The following DPP10 variants were observed in gnomAD, a reference collection of about 807,000 sequenced individuals.
DPP10 encodes the protein inactive dipeptidyl peptidase 10.
DPP10 carries 33 observed loss-of-function variants against 120.9 expected under a neutral mutation model. That is an observed-to-expected ratio of 0.27 (90% CI 0.21 to 0.37). The LOEUF (loss-of-function observed/expected upper bound fraction) is 0.37, where lower values mean the gene tolerates loss of function less well. DPP10 is among the 10% of genes least tolerant of loss of function. DPP10 has a pLI of 1.00. For synonymous variants in DPP10, 337 were observed against 326.1 expected (o/e 1.03, Z -0.36); for missense variants, 816 against 942.8 (o/e 0.87, Z 1.76).
chr2:114,899,855 G>A (rs1347233480), intron 1 of DPP10, among the ~76,000 whole-genome samples: 1 of 152,218 alleles, frequency 6.6e-6, no homozygotes, highest in Non-Finnish European at 1.5e-5. Flanking sequence ...AGCTACTCGG[G>A]AGGCTGAGGC....
At chr2:114,695,547 T>G (rs1700021761) in intron 1 of DPP10, among the ~76,000 whole-genome samples, 1 of 152,072 alleles carries the variant, frequency 6.6e-6, no homozygotes, top group Non-Finnish European at 1.5e-5. Context: ...TCTAGAAATG[T>G]TCAAGTGTCT....
intron 1 of DPP10, among the ~76,000 whole-genome samples, chr2:114,985,719 T>G (rs1302588712): frequency 6.6e-6 from 1 of 152,188 alleles, no homozygotes; most frequent in Non-Finnish European, 1.5e-5. Flanking sequence ...CAAACTGTAA[T>G]AAGCACAAAT....
chr2:114,811,229 A>G (rs1270351510), intron 1 of DPP10, among the ~76,000 whole-genome samples: 2 of 152,232 alleles, frequency 1.3e-5, no homozygotes, highest in African/African-American at 4.8e-5. Flanking sequence ...GACAGGGGAC[A>G]GAAATTTTGC....
chr2:115,438,800 A>G (rs1027657476), intron 3 of DPP10, among the ~76,000 whole-genome samples: 1 of 148,540 alleles, frequency 6.7e-6, no homozygotes, highest in African/African-American at 2.5e-5. Context: ...AGTGGCTAAG[A>G]TGGTCATGGA....
intron 1 of DPP10, among the ~76,000 whole-genome samples, chr2:115,054,560 T>G (rs1402652517): frequency 1.3e-5 from 2 of 152,230 alleles, no homozygotes; most frequent in Non-Finnish European, 2.9e-5. Flanking sequence ...AACTAAAGTT[T>G]ACTTGCTTAA....
intron 1 of DPP10, among the ~76,000 whole-genome samples, chr2:114,760,563 G>A (rs1336959436): frequency 6.6e-6 from 1 of 150,694 alleles, no homozygotes; most frequent in Non-Finnish European, 1.5e-5. Context: ...TATTTTCCTA[G>A]GCCCTCTCCC....
intron 1 of DPP10, among the ~76,000 whole-genome samples, chr2:114,988,626 T>G (rs1392368360): frequency 6.6e-6 from 1 of 152,236 alleles, no homozygotes; most frequent in Non-Finnish European, 1.5e-5. Context: ...CTTTTTCTCA[T>G]CTATCGTTCG....
intron 1 of DPP10, among the ~76,000 whole-genome samples, chr2:114,483,146 A>G (rs1050302356): frequency 5.3e-5 from 8 of 152,166 alleles, no homozygotes; most frequent in Non-Finnish European, 1.5e-5. Flanking sequence ...TTTTGTTGTC[A>G]CCAGAGCCAG....
chr2:114,752,316 GA>G (rs1679309227), intron 1 of DPP10, among the ~76,000 whole-genome samples: 1 of 152,178 alleles, frequency 6.6e-6, no homozygotes, highest in African/African-American at 2.4e-5. Flanking sequence ...CTGTAAGATA[GA>G]AAAAGAAATC....
At chr2:115,125,878 A>G (rs11677827) in intron 1 of DPP10, among the ~76,000 whole-genome samples, 3 of 152,116 alleles carry the variant, frequency 2.0e-5, no homozygotes, top group African/African-American at 4.8e-5. Flanking sequence ...CACCGCGCCC[A>G]GCCCATAATA....
At chr2:115,446,814 C>T (rs1337011280) in intron 3 of DPP10, among the ~76,000 whole-genome samples, 1 of 152,152 alleles carries the variant, frequency 6.6e-6, no homozygotes, top group African/African-American at 2.4e-5. Flanking sequence ...AACACACCTT[C>T]CCCCTTCCTT....
intron 3 of DPP10, among the ~76,000 whole-genome samples, chr2:115,466,935 A>G (rs1304677296): frequency 1.3e-5 from 2 of 152,162 alleles, no homozygotes; most frequent in East Asian, 1.9e-4. Flanking sequence ...CTCTTCTACC[A>G]TTCATTTTCT....
chr2:115,576,633 G>T (rs184661265), intron 5 of DPP10, among the ~76,000 whole-genome samples: 204 of 152,298 alleles, frequency 1.3e-3, no homozygotes, highest in Non-Finnish European at 2.4e-3. Context: ...TTTGAAAACG[G>T]TTGAGATGGA....
intron 1 of DPP10, among the ~76,000 whole-genome samples, chr2:114,513,736 G>A (rs1684364421): frequency 6.6e-6 from 1 of 152,122 alleles, no homozygotes; most frequent in Non-Finnish European, 1.5e-5. Context: ...GTCTGTATTT[G>A]GGGAAGAGAA....
At chr2:115,028,843 T>G (rs1703649523) in intron 1 of DPP10, among the ~76,000 whole-genome samples, 1 of 152,114 alleles carries the variant, frequency 6.6e-6, no homozygotes, top group Admixed American at 6.6e-5. Flanking sequence ...GCATTTTACT[T>G]GTAGTCTATT....
chr2:114,504,530 A>G (rs1489717992), intron 1 of DPP10, among the ~76,000 whole-genome samples: 2 of 150,824 alleles, frequency 1.3e-5, no homozygotes, highest in East Asian at 3.9e-4. Flanking sequence ...TCCCAAGAGT[A>G]CCCACCCCAC....
intron 1 of DPP10, among the ~76,000 whole-genome samples, chr2:114,939,902 T>C (rs1696768143): frequency 6.6e-6 from 1 of 152,184 alleles, no homozygotes; most frequent in African/African-American, 2.4e-5. Flanking sequence ...TATAAAAATA[T>C]AATCCATACC....
intron 7 of DPP10, among the ~76,000 whole-genome samples, chr2:115,702,746 A>T (rs560859988): frequency 1.3e-5 from 2 of 152,226 alleles, no homozygotes; most frequent in East Asian, 3.9e-4. Context: ...CTTCTTTTTG[A>T]GATAATGCAA....
At chr2:114,900,367 A>G (rs1204958167) in intron 1 of DPP10, among the ~76,000 whole-genome samples, 1 of 152,238 alleles carries the variant, frequency 6.6e-6, no homozygotes, top group Non-Finnish European at 1.5e-5. Context: ...ACAGATTATG[A>G]GTAAACCAGT....
Sources: gnomAD v4.1 joint callset for allele counts (sites outside exome capture counted in the v4.1 genomes callset) on GRCh38, gnomAD v4.1.1 for gene constraint, MANE v1.5 for transcripts, NCBI Gene and HGNC (gene_info 2026-07-23, HGNC 2026-07-21) for gene names.